ELMO1: variants seen among roughly 807,000 people sequenced by gnomAD.
ELMO1 encodes the protein engulfment and cell motility 1.
A neutral mutation model predicts 98.9 loss-of-function variants in ELMO1; 26 were observed. That is an observed-to-expected ratio of 0.26 (90% CI 0.19 to 0.36). The LOEUF (loss-of-function observed/expected upper bound fraction) is 0.36. ELMO1 is among the 10% of genes least tolerant of loss of function. ELMO1 has a pLI of 1.00. For missense variants in ELMO1, 627 were observed against 935.2 expected (o/e 0.67, Z 4.30); for synonymous variants, 346 against 346.0 (o/e 1.00, Z 0.00).
intron 16 of ELMO1, among the ~76,000 whole-genome samples, chr7:36,988,813 C>G (rs990503244): frequency 8.5e-5 from 13 of 152,144 alleles, no homozygotes; most frequent in African/African-American, 2.4e-4. Context: ...AAGACCAGAC[C>G]AGCAGATGCT....
chr7:37,416,994 A>G (rs1804242727), intron 1 of ELMO1, among the ~76,000 whole-genome samples: 1 of 152,242 alleles, frequency 6.6e-6, no homozygotes, highest in Admixed American at 6.5e-5. Context: ...GCAAGCAACT[A>G]GCTGTAAAAG....
chr7:37,066,558 G>A (rs1269937222), intron 15 of ELMO1, among the ~76,000 whole-genome samples: 1 of 152,060 alleles, frequency 6.6e-6, no homozygotes, highest in East Asian at 1.9e-4. Flanking sequence ...GCCTCAAAGA[G>A]TTCTAGTGTT....
At chr7:36,938,605 G>A (rs561316582) in intron 16 of ELMO1, among the ~76,000 whole-genome samples, 1 of 152,134 alleles carries the variant, frequency 6.6e-6, no homozygotes, top group Non-Finnish European at 1.5e-5. Flanking sequence ...AATATTTAAG[G>A]TATGCATATA....
At chr7:36,865,676 C>T (rs1404889780) in intron 20 of ELMO1, among the ~76,000 whole-genome samples, 5 of 152,222 alleles carry the variant, frequency 3.3e-5, no homozygotes, top group Non-Finnish European at 5.9e-5. Context: ...AGATCAGATG[C>T]CATGTCCTGC....
intron 16 of ELMO1, among the ~76,000 whole-genome samples, chr7:36,966,728 A>C (rs1054210040): frequency 6.6e-6 from 1 of 152,260 alleles, no homozygotes; most frequent in South Asian, 2.1e-4. Context: ...ACATCACCAG[A>C]GCCTACAGAG....
chr7:37,213,257 C>G (rs576253721), intron 12 of ELMO1, 78 bp downstream of exon 12: 1 of 1,540,626 alleles, frequency 6.5e-7, no homozygotes, highest in East Asian at 2.3e-5. Flanking sequence ...TCCCTAGTTT[C>G]AGGGTACCTC....
At chr7:37,083,309 CT>C (rs1783578631) in intron 15 of ELMO1, among the ~76,000 whole-genome samples, 1 of 152,178 alleles carries the variant, frequency 6.6e-6, no homozygotes, top group South Asian at 2.1e-4. Context: ...ATTAAGCTTG[CT>C]GATTTCTGGA....
At chr7:37,372,696 A>G (rs1472602543) in intron 1 of ELMO1, among the ~76,000 whole-genome samples, 3 of 152,260 alleles carry the variant, frequency 2.0e-5, no homozygotes, top group Admixed American at 6.5e-5. Context: ...TAAAAATGCA[A>G]TAATTTCATA....
chr7:37,051,214 C>T (rs1286022023), intron 15 of ELMO1, among the ~76,000 whole-genome samples: 3 of 152,188 alleles, frequency 2.0e-5, no homozygotes, highest in Non-Finnish European at 4.4e-5. Context: ...ACCGTGTCTA[C>T]TTGGCCTCTT....
Position 36,902,777 on chromosome 7 carries a change from C to T in ELMO1, c.1438-7760G>A, listed in dbSNP as rs189254288. ...TTGAGCTTGGGAACCTGCATGTTGACGAAAGTCAGGAATTCTGCTCTGAGG... is the reference window on the plus strand; with the variant it reads ...TTGAGCTTGGGAACCTGCATGTTGATGAAAGTCAGGAATTCTGCTCTGAGG... On this transcript the variant is annotated intron_variant, in intron 16 of 21. Coordinates refer to ENST00000310758, the MANE Select transcript of ELMO1 (RefSeq NM_014800.11). Among the ~76,000 whole-genome samples the T allele has an allele frequency of 2.0e-4, 30 of 152,250 alleles. No homozygotes were observed. In the East Asian group the frequency reaches 2.7e-3, roughly 14 times the overall value.
chr7:36,916,373 T>C (rs1784692916), intron 16 of ELMO1, among the ~76,000 whole-genome samples: 1 of 152,198 alleles, frequency 6.6e-6, no homozygotes, highest in South Asian at 2.1e-4. Flanking sequence ...ACAGATTCTG[T>C]GATATGGAGC....
chr7:37,083,254 T>C (rs1489198442), intron 15 of ELMO1, among the ~76,000 whole-genome samples: 2 of 152,120 alleles, frequency 1.3e-5, no homozygotes. Flanking sequence ...AGGTCCAAAC[T>C]TGGGAGGGGG....
intron 15 of ELMO1, among the ~76,000 whole-genome samples, chr7:37,018,605 T>C (rs1199685098): frequency 6.6e-6 from 1 of 152,050 alleles, no homozygotes; most frequent in Non-Finnish European, 1.5e-5. Context: ...GCCTCCCAAA[T>C]AGCTGGGACT....
At chr7:37,254,189 C>T (rs367707998) in intron 6 of ELMO1, among the ~76,000 whole-genome samples, 2 of 152,108 alleles carry the variant, frequency 1.3e-5, no homozygotes, top group Admixed American at 1.3e-4. Flanking sequence ...CCGAAAATAG[C>T]GTAACTTTGA....
At chr7:37,284,304 G>A (rs1290515199) in intron 4 of ELMO1, among the ~76,000 whole-genome samples, 1 of 152,190 alleles carries the variant, frequency 6.6e-6, no homozygotes, top group African/African-American at 2.4e-5. Flanking sequence ...TAAACAAAGA[G>A]GAAACATTTA....
intron 13 of ELMO1, among the ~76,000 whole-genome samples, chr7:37,156,334 G>A (rs1368346012): frequency 6.6e-6 from 1 of 152,108 alleles, no homozygotes; most frequent in Non-Finnish European, 1.5e-5. Flanking sequence ...CAGAACTGAA[G>A]GAGACAGAGA....
chr7:37,156,278 A>AGAGC (rs1364673710), intron 13 of ELMO1, among the ~76,000 whole-genome samples: 23 of 151,422 alleles, frequency 1.5e-4, no homozygotes, highest in Non-Finnish European at 2.7e-4. Context: ...GAGAAAAGTA[A>AGAGC]AAACTTCAAA....
chr7:36,911,131 T>G (rs1328622359), intron 16 of ELMO1, among the ~76,000 whole-genome samples: 1 of 152,138 alleles, frequency 6.6e-6, no homozygotes, highest in African/African-American at 2.4e-5. Context: ...AAGGGATCTA[T>G]TCTGGAAAGG....
At chr7:37,222,277 C>G (rs557631532) in intron 10 of ELMO1, among the ~76,000 whole-genome samples, 2 of 152,306 alleles carry the variant, frequency 1.3e-5, no homozygotes, top group South Asian at 4.1e-4. Flanking sequence ...CAGAAGGTCG[C>G]AGGGGCTCCT....
Sources: gnomAD v4.1 joint callset for allele counts (sites outside exome capture counted in the v4.1 genomes callset) on GRCh38, gnomAD v4.1.1 for gene constraint, MANE v1.5 for transcripts, NCBI Gene and HGNC (gene_info 2026-07-23, HGNC 2026-07-21) for gene names.